Variants in PKIB observed in about 807,000 individuals in gnomAD.
The protein encoded by PKIB is cAMP-dependent protein kinase inhibitor beta.
In PKIB, 2 loss-of-function variants were observed where a neutral mutation model predicts 4.5. That is an observed-to-expected ratio of 0.44 (90% CI 0.18 to 1.39). The LOEUF is 1.39. PKIB is among the 40% of genes most tolerant of loss of function. The pLI, the probability that PKIB is intolerant of heterozygous loss-of-function variation, is 0.27. For missense variants in PKIB, 94 were observed against 92.6 expected (o/e 1.02, Z -0.06); for synonymous variants, 38 against 36.0 (o/e 1.06, Z -0.20).
chr6:122,667,915 A>G (rs1294745887), intron 2 of PKIB, among the ~76,000 whole-genome samples: 6 of 152,196 alleles, frequency 3.9e-5, no homozygotes, highest in Admixed American at 3.9e-4. Context: ...ACAGACAGAC[A>G]GGAGTGAAGC....
At chr6:122,491,977 T>G (rs970091524) in intron 2 of PKIB, among the ~76,000 whole-genome samples, 1 of 152,210 alleles carries the variant, frequency 6.6e-6, no homozygotes, top group Non-Finnish European at 1.5e-5. Flanking sequence ...GTAATTCCAC[T>G]ACATTACTAA....
chr6:122,665,539 G>A (rs1777186123), intron 2 of PKIB, among the ~76,000 whole-genome samples: 1 of 152,080 alleles, frequency 6.6e-6, no homozygotes, highest in Non-Finnish European at 1.5e-5. Flanking sequence ...GAATGAAATA[G>A]CAATGACAAT....
At chr6:122,667,348 T>C (rs998759646) in intron 2 of PKIB, among the ~76,000 whole-genome samples, 4 of 152,060 alleles carry the variant, frequency 2.6e-5, no homozygotes, top group African/African-American at 7.2e-5. Flanking sequence ...CCATCCTGGC[T>C]AACACAGTGA....
At chr6:122,674,807 C>T (rs1288235188) in intron 2 of PKIB, among the ~76,000 whole-genome samples, 17 of 151,998 alleles carry the variant, frequency 1.1e-4, no homozygotes, top group Non-Finnish European at 2.9e-5. Context: ...TGGCAATGAT[C>T]CTTAACAGCA....
chr6:122,551,874 C>CTTTTTTTTTTTTTTTTTTTTTTTTT (rs61025863), intron 2 of PKIB, among the ~76,000 whole-genome samples: 3 of 87,520 alleles, frequency 3.4e-5, no homozygotes, highest in Non-Finnish European at 4.3e-5. Context: ...CTTAGTACAT[C>CTTTTTTTTTTTTTTTTTTTTTTTTT]TTTTTTTTTT....
Position 122,710,634 on chromosome 6 carries a change from T to C in PKIB, c.-8-7153T>C, listed in dbSNP as rs186106042. On this transcript the variant is annotated intron_variant, in intron 3 of 4. Transcript: ENST00000368452. ...CCCTGTGAAGCCTGGCCTCATTTTC[T>C]ATCCTGGAATTAAGCGCTGCCTCCA... Among the ~76,000 whole-genome samples the C allele has an allele frequency of 4.0e-3, 610 of 152,338 alleles. 2 individuals are homozygous for C. The highest frequency in any genetic ancestry group is 0.014 in the African/African-American group (582 of 41,584).
chr6:122,592,885 T>C (rs1216229700), intron 3 of PKIB, among the ~76,000 whole-genome samples: 1 of 152,160 alleles, frequency 6.6e-6, no homozygotes, highest in East Asian at 1.9e-4. Flanking sequence ...AGATCTTATA[T>C]TTCTAACAAA....
intron 4 of PKIB, among the ~76,000 whole-genome samples, chr6:122,724,858 G>T (rs1779894376): frequency 6.6e-6 from 1 of 152,116 alleles, no homozygotes; most frequent in African/African-American, 2.4e-5. Context: ...TTACCTGCTT[G>T]TGTTTCATTT....
intron 3 of PKIB, among the ~76,000 whole-genome samples, chr6:122,689,479 A>G (rs994835277): frequency 6.6e-6 from 1 of 152,144 alleles, no homozygotes; most frequent in African/African-American, 2.4e-5. Flanking sequence ...ATTCGTTTCA[A>G]GAAATTTTTC....
upstream of PKIB, chr6:122,610,244 CG>C (rs2114756442): frequency 6.6e-6 from 1 of 152,394 alleles, no homozygotes; most frequent in Admixed American, 6.5e-5. Flanking sequence ...AAAAAGCTAC[CG>C]TGGCACGTGC....
At chr6:122,488,940 C>T (rs1373644976) in intron 2 of PKIB, among the ~76,000 whole-genome samples, 1 of 152,120 alleles carries the variant, frequency 6.6e-6, no homozygotes, top group Admixed American at 6.6e-5. Context: ...TCATTCTGGC[C>T]ATTGGCTTTT....
At chr6:122,634,813 G>A (rs1358987460) in intron 2 of PKIB, among the ~76,000 whole-genome samples, 2 of 151,966 alleles carry the variant, frequency 1.3e-5, no homozygotes, top group Non-Finnish European at 1.5e-5. Flanking sequence ...GTGATGGCGG[G>A]CGCCTGTATT....
intron 2 of PKIB, among the ~76,000 whole-genome samples, chr6:122,670,333 G>T (rs538855831): frequency 6.6e-6 from 1 of 152,130 alleles, no homozygotes; most frequent in South Asian, 2.1e-4. Context: ...CAGCCAGCCA[G>T]CAGTATTCCC....
chr6:122,490,092 T>G (rs1304249854), intron 2 of PKIB, among the ~76,000 whole-genome samples: 2 of 152,224 alleles, frequency 1.3e-5, no homozygotes, highest in African/African-American at 2.4e-5. Context: ...GAAAGCTTCT[T>G]CTTGTAGCTT....
chr6:122,680,771 T>C (rs1419994446), intron 3 of PKIB, among the ~76,000 whole-genome samples: 1 of 152,212 alleles, frequency 6.6e-6, no homozygotes, highest in Non-Finnish European at 1.5e-5. Flanking sequence ...GCCTCCTAAC[T>C]CATCTCTTGA....
rs804478 is a variant in PKIB at position 122,481,966 on chromosome 6, G to T, written c.-248+4027G>T. 119,304 of 147,982 alleles carry T rather than the reference G, an allele frequency of 0.81. 48,235 individuals carry two copies. The highest frequency in any genetic ancestry group is 0.92 in the South Asian group (4,382 of 4,742). 9.2% of individuals were successfully genotyped at this position (147,982 alleles called of 1,614,324 possible). A position where few individuals can be genotyped will look rare whatever the true frequency, so the allele number is the denominator to read the frequency against. On this transcript the variant is annotated intron_variant, in intron 2 of 6. Transcript: ENST00000392491. ...GAACACAGCAGCAAAGGTAAGTTTT[G>T]TTTTTTTTTTTTGAGGCGGAGTCTC...
intron 2 of PKIB, among the ~76,000 whole-genome samples, chr6:122,541,926 A>C (rs985196826): frequency 6.6e-6 from 1 of 151,158 alleles, no homozygotes; most frequent in Non-Finnish European, 1.5e-5. Flanking sequence ...GCTTCATTTC[A>C]TTCATTTCGT....
At chr6:122,637,033 A>G (rs1775942104) in intron 2 of PKIB, among the ~76,000 whole-genome samples, 1 of 152,210 alleles carries the variant, frequency 6.6e-6, no homozygotes, top group Non-Finnish European at 1.5e-5. Context: ...TGGATATTTT[A>G]TTTATACAAT....
At chr6:122,632,731 T>C (rs1188439433) in intron 1 of PKIB, among the ~76,000 whole-genome samples, 1 of 152,204 alleles carries the variant, frequency 6.6e-6, no homozygotes, top group Non-Finnish European at 1.5e-5. Flanking sequence ...TCACTAGATC[T>C]TGTGATTGAG....
Sources: allele counts gnomAD v4.1 joint callset (sites outside exome capture counted in the v4.1 genomes callset), GRCh38; gene constraint gnomAD v4.1.1; transcripts MANE v1.5; gene names NCBI Gene and HGNC (gene_info 2026-07-23, HGNC 2026-07-21).